LITAF: variants seen among roughly 807,000 people sequenced by gnomAD.
LITAF encodes the protein lipopolysaccharide-induced tumor necrosis factor-alpha factor.
Under a neutral mutation model 14.5 loss-of-function variants are expected in LITAF, and 9 were observed. The ratio of observed to expected loss-of-function variants is 0.62; its 90% CI spans 0.37 to 1.08. LITAF has a LOEUF of 1.08. LITAF is among the 50% of genes least tolerant of loss of function. The pLI is 0.01. For missense variants in LITAF, 206 were observed against 213.4 expected (o/e 0.97, Z 0.22); for synonymous variants, 98 against 88.2 (o/e 1.11, Z -0.62).
intron 3 of LITAF, among the ~76,000 whole-genome samples, chr16:11,609,433 T>C (rs2064970773): frequency 6.6e-6 from 1 of 152,036 alleles, no homozygotes; most frequent in Non-Finnish European, 1.5e-5. Context: ...AGGCTGGTCT[T>C]GAACTCCTGA....
chr16:11,591,579 T>C (rs1272109771), upstream of LITAF, among the ~76,000 whole-genome samples: 2 of 118,918 alleles, frequency 1.7e-5, no homozygotes, highest in East Asian at 5.6e-4. Flanking sequence ...TGAAATAAAA[T>C]TGGGAGTCTA....
chr16:11,620,061 G>A (rs1221893109), intron 3 of LITAF, among the ~76,000 whole-genome samples: 2 of 151,746 alleles, frequency 1.3e-5, no homozygotes, highest in African/African-American at 4.8e-5. Flanking sequence ...CCAGCTACTT[G>A]GGAGGCTGAG....
Position 11,556,692 on chromosome 16 carries a change from A to C in LITAF, c.39T>G (p.Pro13=), listed in dbSNP as rs1597333130. 2 of 1,614,098 alleles carry C rather than the reference A, an allele frequency of 1.2e-6. No homozygotes were observed. Among genetic ancestry groups the C allele is most frequent in the Admixed American group, 1.7e-5 (1 of 60,002 alleles). ...VPGPYQAATG[P]SSAPSAPPSY... ...ATGGAGGTGCGGATGGTGCTGAGGA[A>C]GGCCCAGTGGCCGCCTGGTAAGGTC... Residue 13 remains proline (P), a synonymous_variant, in exon 2 of 4, where the codon CCT becomes CCG. Transcript: ENST00000622633.
chr16:11,584,139 C>T (rs868277535), intron 1 of LITAF: 12 of 152,122 alleles, frequency 7.9e-5, no homozygotes, highest in Non-Finnish European at 1.6e-4. Context: ...ACCCGGGAGA[C>T]GTCAAAAATA....
chr16:11,598,547 C>T (rs958982393), upstream of LITAF: 2 of 152,038 alleles, frequency 1.3e-5, no homozygotes, highest in Admixed American at 6.6e-5. Context: ...CTGTGGGTAC[C>T]GGGAAGCCAC....
intron 1 of LITAF, among the ~76,000 whole-genome samples, chr16:11,576,902 C>T (rs12930096): frequency 0.17 from 25,724 of 152,098 alleles, 2,283 homozygotes; most frequent in South Asian, 0.23. Context: ...GCAGGTAGTC[C>T]AACTGTCTGT....
rs146956857 is a variant in LITAF, at chr16:11,610,185, G to A, written c.85+23348C>T. The stretch of plus-strand genomic sequence containing the variant: ...CCATAAAGAAGCAAGTGTGTGAGCA[G>A]CTCCTCCGCACACAATGGCCCCTCA... On this transcript the variant is annotated intron_variant, in intron 3 of 3. Transcript: ENST00000574848. Among the ~76,000 whole-genome samples the A allele has an allele frequency of 3.2e-3, 492 of 152,368 alleles. 1 individual carries two copies. The highest frequency in any genetic ancestry group is 0.011 in the African/African-American group (475 of 41,590).
intron 3 of LITAF, among the ~76,000 whole-genome samples, chr16:11,606,656 G>A (rs891647220): frequency 4.6e-5 from 7 of 151,052 alleles, no homozygotes; most frequent in South Asian, 2.1e-4. Flanking sequence ...TATGCCTGCA[G>A]CCACAAAACT....
upstream of LITAF, chr16:11,636,497 G>C (rs1057280316): frequency 2.0e-5 from 3 of 152,276 alleles, no homozygotes; most frequent in African/African-American, 7.2e-5. Context: ...GTGAAGAACT[G>C]GTTAGGACTA....
chr16:11,611,974 C>A (rs1350660160), intron 3 of LITAF, among the ~76,000 whole-genome samples: 1 of 152,164 alleles, frequency 6.6e-6, no homozygotes, highest in East Asian at 1.9e-4. Flanking sequence ...CCTCCCATTT[C>A]GACTGTTGTG....
At chr16:11,584,150 T>C (rs776691031) in intron 1 of LITAF, 2 of 152,214 alleles carry the variant, frequency 1.3e-5, no homozygotes, top group African/African-American at 2.4e-5. Context: ...GTCAAAAATA[T>C]GTGTGCTAAA....
chr16:11,554,181 A>G (rs2064230381), intron 2 of LITAF, among the ~76,000 whole-genome samples: 2 of 152,112 alleles, frequency 1.3e-5, no homozygotes, highest in Admixed American at 6.6e-5. Flanking sequence ...GCAGTGAATC[A>G]TGATTGCGCC....
chr16:11,609,297 C>T (rs2064970008), intron 3 of LITAF, among the ~76,000 whole-genome samples: 1 of 151,762 alleles, frequency 6.6e-6, no homozygotes, highest in African/African-American at 2.4e-5. Flanking sequence ...CTGCAACCTC[C>T]ACCTCCTGAG....
chr16:11,595,873 A>G (rs1229259824), intron 1 of LITAF, among the ~76,000 whole-genome samples: 1 of 152,174 alleles, frequency 6.6e-6, no homozygotes, highest in African/African-American at 2.4e-5. Flanking sequence ...ATGTCCCTAT[A>G]CTGTGTAAGA....
At chr16:11,606,244 C>A (rs34835672) in intron 3 of LITAF, among the ~76,000 whole-genome samples, 1 of 151,712 alleles carries the variant, frequency 6.6e-6, no homozygotes, top group East Asian at 1.9e-4. Flanking sequence ...TCTCGGCTCA[C>A]TTCAACCTCC....
At chr16:11,615,058 C>T (rs1354538633) in intron 3 of LITAF, among the ~76,000 whole-genome samples, 3 of 152,156 alleles carry the variant, frequency 2.0e-5, no homozygotes, top group Non-Finnish European at 4.4e-5. Flanking sequence ...AGTCGGTACA[C>T]ACTGGGAGAA....
At chr16:11,616,597 T>A (rs1224297898) in intron 3 of LITAF, among the ~76,000 whole-genome samples, 1 of 152,090 alleles carries the variant, frequency 6.6e-6, no homozygotes, top group Non-Finnish European at 1.5e-5. Context: ...CTCTGTCAGG[T>A]ACGTGAGGCA....
chr16:11,557,418 A>T (rs2064291915), intron 1 of LITAF, among the ~76,000 whole-genome samples: 1 of 152,052 alleles, frequency 6.6e-6, no homozygotes, highest in Non-Finnish European at 1.5e-5. Context: ...ATTAAAATGT[A>T]TATACTTTTT....
At chr16:11,563,466 C>T (rs1216177581) in intron 1 of LITAF, among the ~76,000 whole-genome samples, 12 of 152,028 alleles carry the variant, frequency 7.9e-5, no homozygotes. Context: ...TATTAAAAAC[C>T]AGAAAAATCA....
Sources: gnomAD v4.1 joint callset for allele counts (sites outside exome capture counted in the v4.1 genomes callset) on GRCh38, gnomAD v4.1.1 for gene constraint, MANE v1.5 for transcripts, NCBI Gene and HGNC (gene_info 2026-07-23, HGNC 2026-07-21) for gene names.